TMEM132D: variants seen among roughly 807,000 people sequenced by gnomAD.
TMEM132D encodes the protein mature OL transmembrane protein.
Under a neutral mutation model 62.3 loss-of-function variants are expected in TMEM132D, and 21 were observed. The ratio of observed to expected loss-of-function variants is 0.34; its 90% CI spans 0.24 to 0.49. The LOEUF is 0.49. Among genes scored for constraint, TMEM132D ranks in the 20% least tolerant of loss-of-function variants. The probability of loss-of-function intolerance (pLI) is 0.99; values close to 1 mark genes in which losing one functional copy is unlikely to be tolerated. For missense variants in TMEM132D, 1,346 were observed against 1,402.8 expected (o/e 0.96, Z 0.65); for synonymous variants, 621 against 575.6 (o/e 1.08, Z -1.13).
chr12:129,314,849 T>C (rs924642878), intron 4 of TMEM132D, among the ~76,000 whole-genome samples: 6 of 152,106 alleles, frequency 3.9e-5, no homozygotes, highest in Admixed American at 6.5e-5. Flanking sequence ...CTTGGTTCAG[T>C]ATATTCCTAA....
intron 1 of TMEM132D, among the ~76,000 whole-genome samples, chr12:129,745,408 TG>T (rs1389234172): frequency 6.6e-6 from 1 of 152,184 alleles, no homozygotes; most frequent in Non-Finnish European, 1.5e-5. Context: ...ATCAGAGATC[TG>T]GGGGGTTGAT....
At chr12:129,876,453 A>C (rs1446224964) in intron 1 of TMEM132D, among the ~76,000 whole-genome samples, 2 of 152,258 alleles carry the variant, frequency 1.3e-5, no homozygotes. Context: ...ATTTCTCTAC[A>C]GTAATCTCCA....
At chr12:129,808,307 T>C (rs1872060038) in intron 1 of TMEM132D, among the ~76,000 whole-genome samples, 1 of 152,078 alleles carries the variant, frequency 6.6e-6, no homozygotes, top group Non-Finnish European at 1.5e-5. Context: ...AGAATAAAAT[T>C]GGGGACTCCA....
chr12:129,739,674 G>A (rs1476030307), intron 1 of TMEM132D, among the ~76,000 whole-genome samples: 3 of 152,296 alleles, frequency 2.0e-5, no homozygotes, highest in Admixed American at 6.5e-5. Context: ...GTGCATTCAC[G>A]TTCATTCCTC....
intron 2 of TMEM132D, among the ~76,000 whole-genome samples, chr12:129,591,450 A>C (rs528567570): frequency 6.6e-6 from 1 of 152,080 alleles, no homozygotes; most frequent in Non-Finnish European, 1.5e-5. Context: ...GGCTTCATAC[A>C]TTCCATTCTT....
intron 4 of TMEM132D, among the ~76,000 whole-genome samples, chr12:129,336,440 G>C (rs1869272929): frequency 3.3e-5 from 5 of 152,060 alleles, no homozygotes; most frequent in Admixed American, 3.3e-4. Flanking sequence ...GCCAGGCATG[G>C]TGGTGGGCAC....
intron 5 of TMEM132D, among the ~76,000 whole-genome samples, chr12:129,108,717 T>G (rs1875583861): frequency 6.6e-6 from 1 of 152,238 alleles, no homozygotes; most frequent in Non-Finnish European, 1.5e-5. Context: ...TCAATCTACA[T>G]GCAGAATTAC....
chr12:129,582,011 A>G (rs1877877999), intron 2 of TMEM132D, among the ~76,000 whole-genome samples: 1 of 152,226 alleles, frequency 6.6e-6, no homozygotes, highest in Non-Finnish European at 1.5e-5. Context: ...TGAGAGCATC[A>G]ATGAGATACA....
intron 4 of TMEM132D, among the ~76,000 whole-genome samples, chr12:129,332,548 T>C (rs1027393971): frequency 6.6e-6 from 1 of 152,192 alleles, no homozygotes; most frequent in African/African-American, 2.4e-5. Context: ...TGTGCTCCCT[T>C]CCAGCATTAT....
At chr12:129,449,750 GGTCCTCAGGGAAAGCCAAC>G (rs1873213487) in intron 3 of TMEM132D, among the ~76,000 whole-genome samples, 1 of 152,112 alleles carries the variant, frequency 6.6e-6, no homozygotes, top group Non-Finnish European at 1.5e-5. Context: ...GATATCGTGT[GGTCCTCAGGGAAAGCCAAC>G]TACTTCCTCA....
chr12:129,246,646 A>G (rs1224854522), intron 4 of TMEM132D, among the ~76,000 whole-genome samples: 2 of 151,990 alleles, frequency 1.3e-5, no homozygotes, highest in Non-Finnish European at 2.9e-5. Context: ...CCCAGCTATA[A>G]TCCCAGCTAC....
At chr12:129,720,488 T>C (rs189984731) in intron 1 of TMEM132D, among the ~76,000 whole-genome samples, 2 of 152,318 alleles carry the variant, frequency 1.3e-5, no homozygotes, top group African/African-American at 2.4e-5. Context: ...GCTGAAAAAT[T>C]CTTCTGATTG....
intron 2 of TMEM132D, among the ~76,000 whole-genome samples, chr12:129,568,678 T>G (rs1478344318): frequency 6.6e-6 from 1 of 152,242 alleles, no homozygotes; most frequent in Non-Finnish European, 1.5e-5. Context: ...AAACTTCTTA[T>G]GTTTGGTTCA....
intron 3 of TMEM132D, among the ~76,000 whole-genome samples, chr12:129,427,174 G>C (rs1256059146): frequency 6.6e-6 from 1 of 152,188 alleles, no homozygotes; most frequent in South Asian, 2.1e-4. Flanking sequence ...ATCCTAGTTA[G>C]AGTTAAAACA....
At chr12:129,096,254 C>T (rs370640446) in intron 5 of TMEM132D, among the ~76,000 whole-genome samples, 97 of 152,300 alleles carry the variant, frequency 6.4e-4, no homozygotes, top group African/African-American at 2.2e-3. Flanking sequence ...GGATTGGAAT[C>T]CAGGCCGGTC....
chr12:129,384,830 C>T (rs1258275189), intron 3 of TMEM132D, among the ~76,000 whole-genome samples: 1 of 152,190 alleles, frequency 6.6e-6, no homozygotes, highest in East Asian at 1.9e-4. Flanking sequence ...GCACATGCTT[C>T]CATGTCAAAA....
intron 2 of TMEM132D, among the ~76,000 whole-genome samples, chr12:129,563,555 T>G (rs938226347): frequency 3.3e-5 from 5 of 152,168 alleles, no homozygotes; most frequent in Admixed American, 3.3e-4. Flanking sequence ...ACAAGAGAGA[T>G]GTGTCTGTTT....
chr12:129,486,833 TA>T (rs10716990), intron 3 of TMEM132D, among the ~76,000 whole-genome samples: 118,238 of 151,754 alleles, frequency 0.78, 46,073 homozygotes, highest in South Asian at 0.82. Flanking sequence ...TGGGGGCACC[TA>T]GCTATGTGGC....
intron 3 of TMEM132D, among the ~76,000 whole-genome samples, chr12:129,474,919 C>A (rs1874214933): frequency 6.6e-6 from 1 of 152,164 alleles, no homozygotes; most frequent in African/African-American, 2.4e-5. Context: ...AAGGCTGGGG[C>A]TTTGGCCAGG....
Sources: allele counts gnomAD v4.1 joint callset (sites outside exome capture counted in the v4.1 genomes callset), GRCh38; gene constraint gnomAD v4.1.1; transcripts MANE v1.5; gene names NCBI Gene and HGNC (gene_info 2026-07-23, HGNC 2026-07-21).